The following UBR7 variants were observed in gnomAD, a reference collection of about 807,000 sequenced individuals.
UBR7 encodes ubiquitin protein ligase E3 component n-recognin 7.
A neutral mutation model predicts 57.0 loss-of-function variants in UBR7; 22 were observed. The ratio of observed to expected loss-of-function variants is 0.39; its 90% CI spans 0.28 to 0.55. The LOEUF is 0.55. Among genes scored for constraint, UBR7 ranks in the 20% least tolerant of loss-of-function variants. The pLI is 0.69. For missense variants in UBR7, 395 were observed against 513.2 expected, an observed-to-expected ratio of 0.77 and a Z score of 2.23; for synonymous variants, 167 against 179.8, an observed-to-expected ratio of 0.93 and a Z score of 0.57.
At chr14:93,210,039 T>C (rs537043207) in intron 2 of UBR7, 82 bp downstream of exon 2, 2 of 1,441,358 alleles carry the variant, frequency 1.4e-6, no homozygotes, top group African/African-American at 1.4e-5. Flanking sequence ...AATCTTGTTT[T>C]TTCATGCAAA....
chr14:93,209,692 A>T, intron 1 of UBR7, 132 bp from the exon 2 acceptor site: 2 of 1,195,310 alleles, frequency 1.7e-6, no homozygotes, highest in Non-Finnish European at 2.3e-6. Flanking sequence ...TAAACTTTTT[A>T]GTCTTAATGG....
At chr14:93,208,335 T>A (rs1314325092) in intron 1 of UBR7, among the ~76,000 whole-genome samples, 1 of 152,086 alleles carries the variant, frequency 6.6e-6, no homozygotes, top group Non-Finnish European at 1.5e-5. Flanking sequence ...TAATACCAGT[T>A]CTCGTTGTTG....
chr14:93,223,830 C>T lies in UBR7; in HGVS notation c.1185+1456C>T, dbSNP rs967700098. The T allele has an allele frequency of 6.9e-5, 52 of 748,754 alleles. 1 individual carries two copies. The highest frequency in any genetic ancestry group is 4.8e-4 in the African/African-American group (28 of 58,808). The allele number at this position is 748,754 out of a possible 1,614,324, so 46.4% of individuals were successfully genotyped here. A position where few individuals can be genotyped will look rare whatever the true frequency, so the allele number is the denominator to read the frequency against. On this transcript the variant is annotated intron_variant, in intron 10 of 10. Coordinates refer to ENST00000013070, the MANE Select transcript of UBR7 (RefSeq NM_175748.4). Reference sequence around the variant, plus strand: ...CGGTAGCACTGGGTAACAGCGCCCGCGGTGGTCAGGTCCCGGTATTCCCGG... The same window carrying T: ...CGGTAGCACTGGGTAACAGCGCCCGTGGTGGTCAGGTCCCGGTATTCCCGG...
At chr14:93,211,462 G>A (rs144615209) in intron 3 of UBR7, among the ~76,000 whole-genome samples, 3 of 151,784 alleles carry the variant, frequency 2.0e-5, no homozygotes, top group East Asian at 1.9e-4. Flanking sequence ...CAGGAGAATC[G>A]CTTGAACCCA....
intron 9 of UBR7, among the ~76,000 whole-genome samples, chr14:93,221,037 C>G (rs1894695545): frequency 6.6e-6 from 1 of 152,064 alleles, no homozygotes; most frequent in African/African-American, 2.4e-5. Flanking sequence ...CCTCTGCTGC[C>G]CAGGCTCAAG....
chr14:93,217,091 ATC>A (rs749117528), intron 6 of UBR7, among the ~76,000 whole-genome samples: 88 of 151,848 alleles, frequency 5.8e-4, no homozygotes, highest in Middle Eastern at 3.4e-3. Flanking sequence ...CAGTGGCACA[ATC>A]TCTGCTCACT....
At position 93,207,265 on chromosome 14, in the gene UBR7, G is replaced by A; in HGVS notation, c.-27G>A. The A allele has an allele frequency of 1.3e-6, 2 of 1,550,114 alleles. No individual in the cohort carries two copies. Among genetic ancestry groups the A allele is most frequent in the East Asian group, 2.4e-5 (1 of 40,962 alleles). On this transcript the variant is annotated 5_prime_UTR_variant, in exon 1 of 11. Transcript: ENST00000013070. ...CGCTTTTCCCGCCTCCGCCGGGGCC[G>A]AGCCGCTGTTCGGCTGACAGTTGAG... is the stretch of plus-strand genomic sequence containing the variant.
intron 10 of UBR7, chr14:93,223,494 A>G: frequency 1.8e-6 from 1 of 565,398 alleles, no homozygotes; most frequent in Non-Finnish European, 3.1e-6. Context: ...AGAAGATGTC[A>G]TCTCTGTCTA....
Position 93,221,483 on chromosome 14 carries a change from G to A in UBR7, c.1124-830G>A, listed in dbSNP as rs1894705935. Among the ~76,000 whole-genome samples, 3 of 149,818 alleles carry A rather than the reference G, an allele frequency of 2.0e-5. No individual in the cohort carries two copies. The South Asian group carries it at 6.5e-4, about 32-fold the overall frequency. ...TCACCCAGGCTGGTCTCGAACTCCC[G>A]AGCTGAGGTGATCCACCTGCCTCAG... On this transcript the variant is annotated intron_variant, in intron 9 of 10. Transcript: ENST00000013070.
At chr14:93,222,243 G>C in intron 9 of UBR7, 70 bp from the exon 10 acceptor site, 2 of 1,134,980 alleles carry the variant, frequency 1.8e-6, no homozygotes, top group Non-Finnish European at 1.3e-6. Flanking sequence ...GGTGTCAATG[G>C]CAAAGAATAT....
chr14:93,208,041 A>G (rs1242577277), intron 1 of UBR7, among the ~76,000 whole-genome samples: 2 of 152,294 alleles, frequency 1.3e-5, no homozygotes, highest in Middle Eastern at 3.4e-3. Flanking sequence ...GACCGGAAAC[A>G]GAACAGCAAG....
chr14:93,223,554 G>A (rs1202733935), intron 10 of UBR7: 3 of 709,288 alleles, frequency 4.2e-6, no homozygotes, highest in Middle Eastern at 3.9e-4. Flanking sequence ...GGTGGGGGGC[G>A]TTCCTGAGTT....
chr14:93,216,944 T>C (rs950074533), intron 6 of UBR7, among the ~76,000 whole-genome samples: 5 of 152,088 alleles, frequency 3.3e-5, no homozygotes, highest in Admixed American at 6.6e-5. Flanking sequence ...TAAGTGCTGC[T>C]CCCTTTCTGT....
At chr14:93,211,921 G>C (rs981668523) in intron 3 of UBR7, 111 bp from the exon 4 acceptor site, 1 of 839,036 alleles carries the variant, frequency 1.2e-6, no homozygotes, top group African/African-American at 1.7e-5. Flanking sequence ...TTAAAGATCA[G>C]CCTCTTGGGG....
At chr14:93,215,428 G>A in intron 6 of UBR7, 147 bp downstream of exon 6, 1 of 785,710 alleles carries the variant, frequency 1.3e-6, no homozygotes, top group Non-Finnish European at 2.2e-6. Flanking sequence ...GCTCACGCCT[G>A]TAATCCCAGC....
At chr14:93,224,154 G>A (rs1894781048) in intron 10 of UBR7, 4 of 631,938 alleles carry the variant, frequency 6.3e-6, no homozygotes, top group South Asian at 1.7e-5. Flanking sequence ...TCCTCTCCGC[G>A]CTCGCCACCA....
chr14:93,223,098 A>G (rs1326204091), intron 10 of UBR7, among the ~76,000 whole-genome samples: 2 of 152,162 alleles, frequency 1.3e-5, no homozygotes, highest in Non-Finnish European at 2.9e-5. Flanking sequence ...ATGGTTTAGA[A>G]TAGAAACTGG....
At chr14:93,219,069 A>G in intron 7 of UBR7, 143 bp from the exon 8 acceptor site, 1 of 1,064,940 alleles carries the variant, frequency 9.4e-7, no homozygotes, top group Non-Finnish European at 1.3e-6. Context: ...AAAAAAAAGA[A>G]AACTGAAGTG....
intron 1 of UBR7, among the ~76,000 whole-genome samples, 171 bp from the exon 2 acceptor site, chr14:93,209,653 A>T (rs1894438790): frequency 6.6e-6 from 1 of 152,242 alleles, no homozygotes. Flanking sequence ...CTTGCAACGC[A>T]ACTGTGTTTT....
Sources: gnomAD v4.1 joint callset for allele counts (sites outside exome capture counted in the v4.1 genomes callset) on GRCh38, gnomAD v4.1.1 for gene constraint, MANE v1.5 for transcripts, NCBI Gene and HGNC (gene_info 2026-07-23, HGNC 2026-07-21) for gene names.